GPR149: variants seen among roughly 807,000 people sequenced by gnomAD.
GPR149 encodes G protein-coupled receptor 149, also known as probable G protein-coupled receptor 149.
GPR149 carries 50 observed loss-of-function variants against 50.2 expected under a neutral mutation model. The ratio of observed to expected loss-of-function variants is 1.00; its 90% CI spans 0.79 to 1.26. The LOEUF (loss-of-function observed/expected upper bound fraction) is 1.26. GPR149 is among the 50% of genes most tolerant of loss of function. The pLI, the probability that GPR149 is intolerant of heterozygous loss-of-function variation, is 0.00. For missense variants in GPR149, 983 were observed against 895.4 expected (o/e 1.10, Z -1.25); for synonymous variants, 405 against 358.2 (o/e 1.13, Z -1.48).
At chr3:154,403,833 A>G (rs1711607570) in intron 3 of GPR149, among the ~76,000 whole-genome samples, 1 of 152,060 alleles carries the variant, frequency 6.6e-6, no homozygotes, top group Non-Finnish European at 1.5e-5. Flanking sequence ...TTTAGGTGGC[A>G]CTATCCAATA....
intron 3 of GPR149, chr3:154,353,843 T>G: frequency 1.6e-6 from 1 of 628,082 alleles, no homozygotes; most frequent in Non-Finnish European, 2.9e-6. Context: ...GGTCCTAACT[T>G]GAATAGGAAA....
At chr3:154,392,925 T>C (rs1037182344) in intron 3 of GPR149, among the ~76,000 whole-genome samples, 32 of 151,768 alleles carry the variant, frequency 2.1e-4, no homozygotes, top group African/African-American at 7.7e-4. Context: ...AGTGGAGGGA[T>C]TGAAATAGTA....
chr3:154,372,575 T>C (rs774816729), intron 3 of GPR149, among the ~76,000 whole-genome samples: 23 of 152,132 alleles, frequency 1.5e-4, no homozygotes, highest in Non-Finnish European at 3.1e-4. Flanking sequence ...ATTGTTGTAT[T>C]GGGGATTAAG....
rs1172805173 is a variant in GPR149 at position 154,336,833 on chromosome 3, A to G, written c.*866T>C. 1.3e-5 allele frequency: 2 copies of G among 152,066 alleles called. No homozygotes were observed. The highest frequency in any genetic ancestry group is 4.8e-5 in the African/African-American group (2 of 41,438). The allele number at this position is 152,066 out of a possible 1,614,324, so 9.4% of individuals were successfully genotyped here. On this transcript the variant is annotated 3_prime_UTR_variant, in exon 4 of 4. Transcript: ENST00000389740. ...GAGGATTTTGCTCTGCTGTATCCAG[A>G]AGCCTACCATGTTTGGATGTACCTC...
chr3:154,404,965 C>T (rs1445258993), intron 3 of GPR149, among the ~76,000 whole-genome samples: 1 of 152,154 alleles, frequency 6.6e-6, no homozygotes, highest in Non-Finnish European at 1.5e-5. Context: ...AACCTTTCCA[C>T]TAAAATCAGG....
chr3:154,377,454 C>T, intron 3 of GPR149, among the ~76,000 whole-genome samples: 1 of 151,468 alleles, frequency 6.6e-6, no homozygotes, highest in Non-Finnish European at 1.5e-5. Context: ...GCAACCTCCA[C>T]CTCGTGGGTT....
intron 3 of GPR149, among the ~76,000 whole-genome samples, chr3:154,419,316 T>C (rs1037888373): frequency 6.6e-6 from 1 of 152,120 alleles, no homozygotes; most frequent in Non-Finnish European, 1.5e-5. Context: ...GTGCAAGCAG[T>C]GTCTGATTCT....
In GPR149 at chr3:154,368,884, A is replaced by C. The variant is rs567413200; in HGVS notation, c.1624-30613T>G. On this transcript the variant is annotated intron_variant, in intron 3 of 3. Transcript: ENST00000389740. ...AGCATGCAAGCATCAGTGGTGCCCC[A>C]GACCCGGGCCTTGCCACCCTGGAAC... Among the ~76,000 whole-genome samples, 10 of 152,338 alleles carry C rather than the reference A, an allele frequency of 6.6e-5. No homozygotes were observed. In the South Asian group the frequency reaches 2.1e-3, roughly 32 times the overall value.
In GPR149 at chr3:154,336,162, T is replaced by A. The variant is rs1713652462; in HGVS notation, c.*1537A>T. 1 of 152,228 alleles carries A rather than the reference T, an allele frequency of 6.6e-6. No individual in the cohort carries two copies. Among genetic ancestry groups the A allele is most frequent in the East Asian group, 1.9e-4 (1 of 5,190 alleles). The allele number at this position is 152,228 out of a possible 1,614,324, so 9.4% of individuals were successfully genotyped here. ...GCTTTACAAACATTATTAGTGGTAATACATATGTTTCCCAAATTTAGATAA... is the reference window on the plus strand; with the variant it reads ...GCTTTACAAACATTATTAGTGGTAAAACATATGTTTCCCAAATTTAGATAA... On this transcript the variant is annotated 3_prime_UTR_variant, in exon 4 of 4. Coordinates refer to ENST00000389740, the MANE Select transcript of GPR149 (RefSeq NM_001038705.3).
rs1187797586 is a variant in GPR149, at chr3:154,429,475, G to A, written c.141C>T (p.Ala47=). The A allele has an allele frequency of 6.2e-7, 1 of 1,614,142 alleles. No individual in the cohort carries two copies. Among genetic ancestry groups the A allele is most frequent in the Admixed American group, 1.7e-5 (1 of 60,022 alleles). Residue 47 remains alanine, a synonymous_variant, in exon 1 of 4, where the codon GCC becomes GCT. Coordinates refer to ENST00000389740, the MANE Select transcript of GPR149 (RefSeq NM_001038705.3). ...TTAGTGAATAAATGCTGCCCACCAA[G>A]GCTGCAAAAGTCATGAGACATGTCA... ...FCLTCLMTFA[A]LVGSIYSLIS...
At chr3:154,360,469 A>G (rs575360495) in intron 3 of GPR149, among the ~76,000 whole-genome samples, 31 of 152,328 alleles carry the variant, frequency 2.0e-4, no homozygotes, top group Middle Eastern at 3.4e-3. Context: ...TCCTTGATGA[A>G]GGTGTGTATT....
Position 154,429,789 on chromosome 3 carries a change from C to A in GPR149, c.-174G>T. On this transcript the variant is annotated 5_prime_UTR_variant, in exon 1 of 4. Transcript: ENST00000389740. ...ATGTCTCCTTTAGATCTGACTCAAG[C>A]TATATTTAAAAATTAGGTTCCATTT... 5 of 470,852 alleles carry A rather than the reference C, an allele frequency of 1.1e-5. No individual in the cohort carries two copies. The highest frequency in any genetic ancestry group is 1.5e-5 in the Non-Finnish European group (4 of 270,478). The allele number at this position is 470,852 out of a possible 1,614,324, so 29.2% of individuals were successfully genotyped here. A position where few individuals can be genotyped will look rare whatever the true frequency, so the allele number is the denominator to read the frequency against.
intron 3 of GPR149, among the ~76,000 whole-genome samples, chr3:154,407,952 A>T: frequency 6.6e-6 from 1 of 152,260 alleles, no homozygotes; most frequent in East Asian, 1.9e-4. Flanking sequence ...AAAAATGATT[A>T]TGTCATGTTG....
rs563992790 is a variant in GPR149, at chr3:154,379,958, T to C, written c.1623+41081A>G. On this transcript the variant is annotated intron_variant, in intron 3 of 3. Coordinates refer to ENST00000389740, the MANE Select transcript of GPR149 (RefSeq NM_001038705.3). ...GTGTATGTGTGTTTTCTGTTCATCT[T>C]TTGGTAGAAACAAGCAAGCAAACAA... Among the ~76,000 whole-genome samples, 7 of 152,180 alleles carry C rather than the reference T, an allele frequency of 4.6e-5. No homozygotes were observed. In the East Asian group the frequency reaches 1.3e-3, roughly 29 times the overall value.
intron 2 of GPR149, among the ~76,000 whole-genome samples, chr3:154,425,707 G>A (rs1712271323): frequency 6.6e-6 from 1 of 151,948 alleles, no homozygotes; most frequent in South Asian, 2.1e-4. Context: ...AAAAGCAATG[G>A]TAATTTTAGA....
At chr3:154,407,110 C>T (rs1370867121) in intron 3 of GPR149, among the ~76,000 whole-genome samples, 1 of 152,134 alleles carries the variant, frequency 6.6e-6, no homozygotes, top group African/African-American at 2.4e-5. Flanking sequence ...TCAAGGATCT[C>T]CCACTGGGTC....
intron 3 of GPR149, among the ~76,000 whole-genome samples, chr3:154,417,492 AAG>A (rs1712021056): frequency 2.0e-5 from 3 of 152,110 alleles, no homozygotes; most frequent in Admixed American, 1.3e-4. Context: ...GTAGAAATAA[AAG>A]AGAGCTCACT....
rs1713683549 is a variant in GPR149 at position 154,337,578 on chromosome 3, T to C, written c.*121A>G. Reference sequence around the variant, plus strand: ...CAGTTGTTCCCACAAAAAAATTAACTATTAAATCAGTAAAACTAATGTAAG... The same window carrying C: ...CAGTTGTTCCCACAAAAAAATTAACCATTAAATCAGTAAAACTAATGTAAG... On this transcript the variant is annotated 3_prime_UTR_variant, in exon 4 of 4. Coordinates refer to ENST00000389740, the MANE Select transcript of GPR149 (RefSeq NM_001038705.3). 1.0e-5 allele frequency: 8 copies of C among 798,942 alleles called. No individual in the cohort carries two copies. In the Admixed American group the frequency reaches 2.0e-4, roughly 20 times the overall value. The allele number at this position is 798,942 out of a possible 1,614,324, so 49.5% of individuals were successfully genotyped here.
chr3:154,418,095 C>A (rs1046604364), intron 3 of GPR149, among the ~76,000 whole-genome samples: 5 of 145,932 alleles, frequency 3.4e-5, no homozygotes, highest in Non-Finnish European at 7.5e-5. Flanking sequence ...CAGAGAAATG[C>A]AAATCAAAAC....
Sources: allele counts gnomAD v4.1 joint callset (sites outside exome capture counted in the v4.1 genomes callset), GRCh38; gene constraint gnomAD v4.1.1; transcripts MANE v1.5; gene names NCBI Gene and HGNC (gene_info 2026-07-23, HGNC 2026-07-21).